PLXNA4: variants seen among roughly 807,000 people sequenced by gnomAD.
PLXNA4 encodes the protein plexin-A4.
Under a neutral mutation model 191.8 loss-of-function variants are expected in PLXNA4, and 44 were observed. That is an observed-to-expected ratio of 0.23 (90% CI 0.18 to 0.29). The LOEUF is 0.29. PLXNA4 is among the 10% of genes least tolerant of loss of function. The pLI is 1.00. For synonymous variants in PLXNA4, 1,082 were observed against 1,009.5 expected (o/e 1.07, Z -1.36); for missense variants, 1,800 against 2,488.8 (o/e 0.72, Z 5.89).
At chr7:132,478,410 A>G (rs147150180) in intron 3 of PLXNA4, among the ~76,000 whole-genome samples, 2 of 152,348 alleles carry the variant, frequency 1.3e-5, no homozygotes, top group East Asian at 1.9e-4. Flanking sequence ...TACTTGTAGT[A>G]GAGGAATCCT....
chr7:132,501,556 T>C (rs777039278), intron 2 of PLXNA4, among the ~76,000 whole-genome samples: 2 of 152,146 alleles, frequency 1.3e-5, no homozygotes, highest in African/African-American at 4.8e-5. Context: ...GCCTCAACTT[T>C]GCTCCTGCCA....
chr7:132,160,926 G>GA (rs201397549), intron 24 of PLXNA4, among the ~76,000 whole-genome samples: 3,488 of 92,648 alleles, frequency 0.038, 53 homozygotes, highest in Non-Finnish European at 0.079. Context: ...AGAAGGGGAA[G>GA]AAAAAAAAAC....
chr7:132,316,644 G>C (rs1250711291), intron 3 of PLXNA4, among the ~76,000 whole-genome samples: 1 of 152,198 alleles, frequency 6.6e-6, no homozygotes, highest in African/African-American at 2.4e-5. Context: ...TTAGGCCATA[G>C]CTCCCCAGCA....
intron 16 of PLXNA4, among the ~76,000 whole-genome samples, chr7:132,183,685 T>G (rs946493838): frequency 6.6e-6 from 1 of 152,224 alleles, no homozygotes; most frequent in Admixed American, 6.5e-5. Context: ...CTGGCATGGC[T>G]TTCTACAGAC....
chr7:132,164,759 CG>C (rs1562891881), intron 23 of PLXNA4, among the ~76,000 whole-genome samples: 4 of 152,354 alleles, frequency 2.6e-5, no homozygotes, highest in Admixed American at 6.5e-5. Context: ...GCTTCTGCAC[CG>C]GCCGGGGGGC....
At chr7:132,359,883 C>T (rs1803866008) in intron 3 of PLXNA4, among the ~76,000 whole-genome samples, 1 of 152,120 alleles carries the variant, frequency 6.6e-6, no homozygotes, top group African/African-American at 2.4e-5. Context: ...TGAAAAATAC[C>T]TTATCCCCTT....
exon 1 of PLXNA4, chr7:132,648,514 C>G (rs190599698): frequency 6.6e-6 from 1 of 152,318 alleles, no homozygotes; most frequent in East Asian, 1.9e-4. Flanking sequence ...TGCTTTTTAC[C>G]TTTTCGGGGT....
intron 3 of PLXNA4, among the ~76,000 whole-genome samples, chr7:132,448,384 C>G (rs1795988534): frequency 6.6e-6 from 1 of 152,124 alleles, no homozygotes; most frequent in Admixed American, 6.5e-5. Context: ...TTTGCGAACA[C>G]CAGGGTAGAA....
At chr7:132,166,611 G>A (rs1325460018) in intron 22 of PLXNA4, among the ~76,000 whole-genome samples, 5 of 151,876 alleles carry the variant, frequency 3.3e-5, no homozygotes. Context: ...TAAGAGAAAA[G>A]AAGAAGGAAC....
At chr7:132,232,762 G>A (rs1798565466) in intron 5 of PLXNA4, among the ~76,000 whole-genome samples, 1 of 152,156 alleles carries the variant, frequency 6.6e-6, no homozygotes, top group Admixed American at 6.5e-5. Context: ...GGAAGGGGGT[G>A]AGGGAGAGGG....
chr7:132,505,726 G>A, intron 2 of PLXNA4, among the ~76,000 whole-genome samples: 1 of 152,088 alleles, frequency 6.6e-6, no homozygotes, highest in East Asian at 1.9e-4. Flanking sequence ...CTCTCTAAAG[G>A]CCTTCTCAAC....
chr7:132,570,828 C>T (rs1480819667), intron 1 of PLXNA4, among the ~76,000 whole-genome samples: 3 of 152,128 alleles, frequency 2.0e-5, no homozygotes, highest in Non-Finnish European at 4.4e-5. Flanking sequence ...GGAGGAAACA[C>T]CATAGAGGGG....
At chr7:132,438,021 G>A (rs1315715831) in intron 3 of PLXNA4, among the ~76,000 whole-genome samples, 2 of 152,356 alleles carry the variant, frequency 1.3e-5, no homozygotes, top group East Asian at 1.9e-4. Flanking sequence ...CATCCAGCGT[G>A]TGGTTGTGTA....
At chr7:132,242,326 T>A (rs956911264) in intron 4 of PLXNA4, among the ~76,000 whole-genome samples, 2 of 152,144 alleles carry the variant, frequency 1.3e-5, no homozygotes, top group Non-Finnish European at 2.9e-5. Flanking sequence ...CTGACCTGGC[T>A]GAACCCTCTC....
chr7:132,194,626 C>T (rs560944195), intron 13 of PLXNA4, among the ~76,000 whole-genome samples: 5 of 152,228 alleles, frequency 3.3e-5, no homozygotes, highest in Non-Finnish European at 5.9e-5. Flanking sequence ...TTTCTGCTCC[C>T]GATGATTGGG....
chr7:132,620,646 T>C (rs1159629506), intron 2 of PLXNA4, among the ~76,000 whole-genome samples: 1 of 152,180 alleles, frequency 6.6e-6, no homozygotes, highest in African/African-American at 2.4e-5. Context: ...TAGAGAGATT[T>C]GTAGTTTTTG....
intron 3 of PLXNA4, among the ~76,000 whole-genome samples, chr7:132,486,348 G>A (rs549111087): frequency 6.6e-6 from 1 of 152,328 alleles, no homozygotes; most frequent in African/African-American, 2.4e-5. Context: ...GGTGCTTAGT[G>A]AGTGAGTGGG....
chr7:132,563,538 C>T (rs1585351754), intron 1 of PLXNA4, among the ~76,000 whole-genome samples: 1 of 116,876 alleles, frequency 8.6e-6, no homozygotes, highest in African/African-American at 3.1e-5. Flanking sequence ...CCTCTTTCTC[C>T]TCCTCCTCCT....
At chr7:132,265,975 G>A (rs948780517) in intron 4 of PLXNA4, among the ~76,000 whole-genome samples, 6 of 152,204 alleles carry the variant, frequency 3.9e-5, no homozygotes, top group African/African-American at 1.2e-4. Context: ...CATTAGAAAA[G>A]AGGAGCTCTA....
Sources: allele counts gnomAD v4.1 joint callset (sites outside exome capture counted in the v4.1 genomes callset), GRCh38; gene constraint gnomAD v4.1.1; transcripts MANE v1.5; gene names NCBI Gene and HGNC (gene_info 2026-07-23, HGNC 2026-07-21).